ANKHD1: variants seen among roughly 807,000 people sequenced by gnomAD.
ANKHD1 encodes the protein ankyrin repeat and KH domain-containing protein 1.
A neutral mutation model predicts 230.5 loss-of-function variants in ANKHD1; 31 were observed. The observed-to-expected ratio is 0.13, with a 90% CI of 0.10 to 0.18. The LOEUF is 0.18. Ranked by LOEUF, ANKHD1 falls within the 10% of genes least tolerant of loss-of-function variation. ANKHD1 has a pLI of 1.00. For missense variants in ANKHD1, 2,256 were observed against 3,071.3 expected, an observed-to-expected ratio of 0.73 and a Z score of 6.27; for synonymous variants, 1,074 against 1,117.6, an observed-to-expected ratio of 0.96 and a Z score of 0.78.
At chr5:140,422,633 C>T (rs554288202) in intron 1 of ANKHD1, among the ~76,000 whole-genome samples, 1 of 151,322 alleles carries the variant, frequency 6.6e-6, no homozygotes, top group East Asian at 2.1e-4. Flanking sequence ...CATGGTGAAA[C>T]CCCGTCTCTA....
At chr5:140,526,741 TC>T (rs1185258995) in intron 26 of ANKHD1, among the ~76,000 whole-genome samples, 186 bp from the exon 27 acceptor site, 3 of 152,354 alleles carry the variant, frequency 2.0e-5, no homozygotes, top group African/African-American at 7.2e-5. Flanking sequence ...GGCATCTGAA[TC>T]CATTTTAATA....
chr5:140,465,331 A>T lies in ANKHD1; in HGVS notation c.1782+555A>T, dbSNP rs186150844. Among the ~76,000 whole-genome samples, 98 of 152,266 alleles carry T rather than the reference A, an allele frequency of 6.4e-4. No homozygotes were observed. In the Middle Eastern group the frequency reaches 0.017, roughly 26 times the overall value. On this transcript the variant is annotated intron_variant, in intron 10 of 33. Coordinates refer to ENST00000360839, the MANE Select transcript of ANKHD1 (RefSeq NM_017747.3). Reference sequence around the variant, plus strand: ...TCATCCTTCTAGTACATTCCTACAAATTCTATTCTTTTTGTGTTTTCTGTT... The same window carrying T: ...TCATCCTTCTAGTACATTCCTACAATTTCTATTCTTTTTGTGTTTTCTGTT...
chr5:140,417,803 G>C (rs910413681), intron 1 of ANKHD1, among the ~76,000 whole-genome samples: 15 of 146,070 alleles, frequency 1.0e-4, no homozygotes, highest in African/African-American at 3.5e-4. Context: ...AAAGTTGTAA[G>C]AATAGTACAA....
intron 29 of ANKHD1, among the ~76,000 whole-genome samples, chr5:140,530,762 C>T (rs751025392): frequency 4.1e-4 from 63 of 152,192 alleles, no homozygotes; most frequent in Non-Finnish European, 5.9e-4. Flanking sequence ...AAAATGTGGC[C>T]GACCCAGAAT....
Position 140,485,679 on chromosome 5 carries a change from G to T in ANKHD1, c.2089G>T (p.Val697Phe). The T allele has an allele frequency of 6.2e-7, 1 of 1,614,016 alleles. No individual in the cohort carries two copies. Among genetic ancestry groups the T allele is most frequent in the Non-Finnish European group, 8.5e-7 (1 of 1,179,970 alleles). ...LLDYPNNVLSVPTTDVSQLPP... is the reference protein window; with the variant it reads ...LLDYPNNVLSFPTTDVSQLPP... Reference sequence around the variant, plus strand: ...GGATTATCCAAATAATGTTCTGTCAGTTCCCACCACAGATGTGTCTCAGCT... The same window carrying T: ...GGATTATCCAAATAATGTTCTGTCATTTCCCACCACAGATGTGTCTCAGCT... Residue 697 changes from valine (V) to phenylalanine (F), a missense_variant, in exon 13 of 34, where the codon GTT (valine) becomes TTT (phenylalanine). By Grantham distance (50) the Val-to-Phe change is conservative (BLOSUM62 -1). Around this residue, in one of 13 missense-constraint regions of ANKHD1, gnomAD observed 358 missense variants for 397.7 expected, o/e 0.90. Coordinates refer to ENST00000360839, the MANE Select transcript of ANKHD1 (RefSeq NM_017747.3). This position sits in a 1 kb window ranked among gnomAD's most constrained non-coding sequence, Gnocchi z 4.8.
chr5:140,486,248 G>A (rs951534430), intron 13 of ANKHD1, among the ~76,000 whole-genome samples: 7 of 151,946 alleles, frequency 4.6e-5, no homozygotes, highest in African/African-American at 2.4e-5. Flanking sequence ...GTATTTTAGT[G>A]GAGATGGAGT....
chr5:140,445,708 G>A (rs1290439477), intron 5 of ANKHD1, 34 bp from the exon 6 acceptor site: 4 of 1,491,480 alleles, frequency 2.7e-6, no homozygotes, highest in Non-Finnish European at 3.6e-6. Flanking sequence ...TATATATTCT[G>A]CTCATGTATT....
In ANKHD1 at chr5:140,402,121, C is replaced by A; in HGVS notation, c.154C>A (p.Pro52Thr). ...CGTGAGGCTCTTTGGGGAGGCCGGG[C>A]CAGCGTCGGGAGTCGGCAGCAGCGG... The part of the protein sequence containing the change: ...RTVRLFGEAG[P>T]ASGVGSSGGG... Residue 52 changes from proline (P) to threonine (T), a missense_variant, in exon 1 of 34, where the codon CCA becomes ACA. Physicochemically the swap from Pro to Thr is conservative, Grantham distance 38 (BLOSUM62 -1). This residue lies in a region of ANKHD1 where 193 missense variants were observed against 185.8 expected (regional missense o/e 1.04). Transcript: ENST00000360839. 2 of 1,539,348 alleles carry A rather than the reference C, an allele frequency of 1.3e-6. No individual in the cohort carries two copies. The highest frequency in any genetic ancestry group is 2.0e-5 in the Admixed American group (1 of 51,192).
intron 1 of ANKHD1, among the ~76,000 whole-genome samples, chr5:140,429,758 A>G (rs1381670339): frequency 6.6e-6 from 1 of 152,248 alleles, no homozygotes; most frequent in Non-Finnish European, 1.5e-5. Context: ...TCAATGTAAT[A>G]TGAGATATTA....
intron 10 of ANKHD1, among the ~76,000 whole-genome samples, chr5:140,470,657 T>A (rs1174727650): frequency 6.7e-6 from 1 of 148,512 alleles, no homozygotes; most frequent in Non-Finnish European, 1.5e-5. Flanking sequence ...AGGGTCTTGC[T>A]TTATCTCCCA....
chr5:140,519,367 C>T (rs187886129), intron 24 of ANKHD1, among the ~76,000 whole-genome samples: 42 of 152,164 alleles, frequency 2.8e-4, no homozygotes, highest in South Asian at 1.7e-3. Flanking sequence ...GGTAATTTAC[C>T]GATTCAATGC....
intron 1 of ANKHD1, among the ~76,000 whole-genome samples, chr5:140,432,291 A>G (rs1381368672): frequency 2.0e-5 from 3 of 152,134 alleles, no homozygotes; most frequent in South Asian, 4.1e-4. Context: ...GTCTTTTTCT[A>G]TGGATTTGCC....
chr5:140,435,447 G>A (rs188498686), intron 1 of ANKHD1, among the ~76,000 whole-genome samples: 164 of 150,112 alleles, frequency 1.1e-3, no homozygotes, highest in African/African-American at 3.7e-3. Flanking sequence ...GCACGATCTC[G>A]GCTCACAGCA....
intron 4 of ANKHD1, 40 bp downstream of exon 4, chr5:140,440,306 G>T: frequency 6.4e-7 from 1 of 1,571,420 alleles, no homozygotes. Flanking sequence ...ATTGTGGAAG[G>T]GTTTTGATGT....
intron 24 of ANKHD1, among the ~76,000 whole-genome samples, chr5:140,516,504 A>G (rs1298822012): frequency 1.3e-5 from 2 of 151,032 alleles, no homozygotes; most frequent in African/African-American, 4.9e-5. Context: ...AGATTCACCA[A>G]AGTCGAAGGA....
intron 10 of ANKHD1, 63 bp from the exon 11 acceptor site, chr5:140,482,517 G>A (rs1357007187): frequency 6.4e-7 from 1 of 1,570,122 alleles, no homozygotes; most frequent in African/African-American, 1.4e-5. Context: ...CATCAGTACT[G>A]TTTTTAAAAT....
chr5:140,509,220 T>C (rs1354013517), intron 20 of ANKHD1, among the ~76,000 whole-genome samples: 2 of 152,220 alleles, frequency 1.3e-5, no homozygotes, highest in African/African-American at 4.8e-5. Flanking sequence ...TTATTTTGGA[T>C]AGTACCAGTA....
At chr5:140,482,529 G>C (rs1241256002) in intron 10 of ANKHD1, 51 bp from the exon 11 acceptor site, 1 of 1,583,048 alleles carries the variant, frequency 6.3e-7, no homozygotes, top group Admixed American at 1.8e-5. Context: ...TTTTAAAATA[G>C]ATGGTTAGAC....
intron 29 of ANKHD1, among the ~76,000 whole-genome samples, chr5:140,530,267 A>G (rs143228756): frequency 1.3e-5 from 2 of 151,976 alleles, no homozygotes; most frequent in East Asian, 1.9e-4. Context: ...GCTGGAGTGC[A>G]GTGGCCCAGT....
Sources: allele counts gnomAD v4.1 joint callset (sites outside exome capture counted in the v4.1 genomes callset), GRCh38; gene constraint gnomAD v4.1.1; regional missense constraint gnomAD v4.1.1; non-coding constraint Gnocchi (gnomAD v3.1); transcripts MANE v1.5; gene names NCBI Gene and HGNC (gene_info 2026-07-23, HGNC 2026-07-21).